GNA12: variants seen among roughly 807,000 people sequenced by gnomAD.
GNA12 encodes the protein guanine nucleotide-binding protein subunit alpha-12.
GNA12 carries 9 observed loss-of-function variants against 26.0 expected under a neutral mutation model. The observed-to-expected ratio is 0.35, with a 90% CI of 0.21 to 0.60. The LOEUF is 0.60. Ranked by LOEUF, GNA12 falls within the 20% of genes least tolerant of loss-of-function variation. The pLI is 0.78. For missense variants in GNA12, 405 were observed against 525.8 expected, an observed-to-expected ratio of 0.77 and a Z score of 2.25; for synonymous variants, 264 against 219.6, an observed-to-expected ratio of 1.20 and a Z score of -1.79.
intron 1 of GNA12, among the ~76,000 whole-genome samples, chr7:2,843,175 C>T (rs1229707536): frequency 6.6e-6 from 1 of 152,132 alleles, no homozygotes; most frequent in Non-Finnish European, 1.5e-5. Flanking sequence ...TTCTTCTAAG[C>T]TCAGCCGGAG....
chr7:2,745,545 G>C (rs1790725058), intron 2 of GNA12, among the ~76,000 whole-genome samples: 1 of 152,128 alleles, frequency 6.6e-6, no homozygotes, highest in Non-Finnish European at 1.5e-5. Context: ...GGAGCAACTG[G>C]TACCAGCCAC....
intron 1 of GNA12, among the ~76,000 whole-genome samples, chr7:2,826,353 G>C (rs1237318561): frequency 6.8e-6 from 1 of 146,776 alleles, no homozygotes; most frequent in African/African-American, 2.5e-5. Flanking sequence ...CTCCAGCCTG[G>C]GTGACAGAGT....
At chr7:2,781,331 TACAC>T (rs148970092) in intron 2 of GNA12, among the ~76,000 whole-genome samples, 4 of 150,262 alleles carry the variant, frequency 2.7e-5, no homozygotes, top group East Asian at 3.9e-4. Context: ...TGTATATACA[TACAC>T]ACACACACAC....
At chr7:2,738,254 A>C (rs547435929) in intron 2 of GNA12, among the ~76,000 whole-genome samples, 1 of 151,878 alleles carries the variant, frequency 6.6e-6, no homozygotes, top group South Asian at 2.1e-4. Context: ...GTCTGTACTA[A>C]AAATACAAAA....
At chr7:2,778,972 T>A (rs1196199926) in intron 2 of GNA12, among the ~76,000 whole-genome samples, 1 of 152,230 alleles carries the variant, frequency 6.6e-6, no homozygotes, top group African/African-American at 2.4e-5. Context: ...ATTTCAACTG[T>A]AAGCCTTCTT....
At chr7:2,803,793 C>T (rs1354132476) in intron 1 of GNA12, among the ~76,000 whole-genome samples, 1 of 122,176 alleles carries the variant, frequency 8.2e-6, no homozygotes, top group Non-Finnish European at 1.8e-5. Context: ...CCTAAAAGTC[C>T]AAAACAAAAC....
chr7:2,770,002 G>C (rs1311288156), intron 2 of GNA12, among the ~76,000 whole-genome samples: 1 of 152,078 alleles, frequency 6.6e-6, no homozygotes, highest in Non-Finnish European at 1.5e-5. Flanking sequence ...AAAATTAAAG[G>C]TTTATAATAG....
chr7:2,791,150 G>A lies in GNA12; in HGVS notation c.525+3778C>T, dbSNP rs2115451436. Among the ~76,000 whole-genome samples the A allele has an allele frequency of 2.6e-5, 4 of 152,298 alleles. 1 individual carries two copies. Among genetic ancestry groups the A allele is most frequent in the Admixed American group, 2.6e-4 (4 of 15,306 alleles). On this transcript the variant is annotated intron_variant, in intron 2 of 3. Transcript: ENST00000275364. The stretch of plus-strand genomic sequence containing the variant: ...TTTTATTAAAAAAGAGGACAGACAA[G>A]AAGATAATATTTATATTAGTTATAC...
rs557332842 is a variant in GNA12, at chr7:2,802,897, T to A, written c.310-7754A>T. 5.9e-5 allele frequency among the ~76,000 whole-genome samples: 9 copies of A among 152,258 alleles called. 1 individual carries two copies. The East Asian group carries it at 1.7e-3, about 29-fold the overall frequency. On this transcript the variant is annotated intron_variant, in intron 1 of 3. Coordinates refer to ENST00000275364, the MANE Select transcript of GNA12 (RefSeq NM_007353.3). ...ACTGACGAAGGGAGGCAGTAAGCCG[T>A]CAAACCAGCCATCAGAGCCTCTGCC...
chr7:2,777,738 T>A (rs763683512), intron 2 of GNA12, among the ~76,000 whole-genome samples: 69 of 152,280 alleles, frequency 4.5e-4, no homozygotes, highest in Non-Finnish European at 7.9e-4. Context: ...GAAAAATATA[T>A]GTCTGTTTTC....
chr7:2,747,445 G>T (rs887719560), intron 2 of GNA12, among the ~76,000 whole-genome samples: 1 of 152,190 alleles, frequency 6.6e-6, no homozygotes, highest in Non-Finnish European at 1.5e-5. Flanking sequence ...AGTAGATGCA[G>T]AAAAGGCCTT....
chr7:2,817,004 C>T (rs1034323365), intron 1 of GNA12, among the ~76,000 whole-genome samples: 14 of 152,242 alleles, frequency 9.2e-5, no homozygotes, highest in African/African-American at 3.1e-4. Flanking sequence ...AGGAGGTCTA[C>T]ACTCCCCACT....
Position 2,728,127 on chromosome 7 carries a change from C to CT in GNA12, c.*3053dup. ...CTATTTTATATTAAGCAAAGAAAGA[C>CT]TAAATTTATTTTAATAAACATTCAG... On this transcript the variant is annotated 3_prime_UTR_variant, in exon 4 of 4. Coordinates refer to ENST00000275364, the MANE Select transcript of GNA12 (RefSeq NM_007353.3). 6.6e-6 allele frequency: 1 copy of CT among 151,820 alleles called. No homozygotes were observed. Among genetic ancestry groups the CT allele is most frequent in the South Asian group, 2.1e-4 (1 of 4,790 alleles). The allele number at this position is 151,820 out of a possible 1,614,324, so 9.4% of individuals were successfully genotyped here.
intron 2 of GNA12, among the ~76,000 whole-genome samples, chr7:2,761,507 C>CCT (rs1192067452): frequency 6.6e-6 from 1 of 152,210 alleles, no homozygotes; most frequent in Non-Finnish European, 1.5e-5. Flanking sequence ...TGATGCAATT[C>CCT]AGGATGACTA....
intron 1 of GNA12, chr7:2,815,152 A>C: frequency 1.6e-6 from 1 of 621,816 alleles, no homozygotes; most frequent in Non-Finnish European, 2.7e-6. Context: ...GCAATACAAA[A>C]AGCAAGTGGA....
chr7:2,759,189 A>T (rs939631045), intron 2 of GNA12, among the ~76,000 whole-genome samples: 1 of 149,868 alleles, frequency 6.7e-6, no homozygotes, highest in African/African-American at 2.4e-5. Context: ...ATAAATAAAT[A>T]AAATAAAAAT....
chr7:2,770,184 A>G (rs1791913036), intron 2 of GNA12, among the ~76,000 whole-genome samples: 1 of 152,224 alleles, frequency 6.6e-6, no homozygotes. Flanking sequence ...GTTCACTGCC[A>G]TAATATACTA....
chr7:2,791,813 G>A (rs1044930565), intron 2 of GNA12, among the ~76,000 whole-genome samples: 5 of 152,116 alleles, frequency 3.3e-5, no homozygotes, highest in African/African-American at 4.8e-5. Flanking sequence ...TGACAACAAC[G>A]ACTATTAGGG....
intron 1 of GNA12, chr7:2,814,320 C>T (rs912037250): frequency 1.3e-6 from 2 of 1,567,776 alleles, no homozygotes; most frequent in Non-Finnish European, 1.8e-6. Flanking sequence ...ACCCTGGACC[C>T]AGGGTGTGCA....
Sources: gnomAD v4.1 joint callset for allele counts (sites outside exome capture counted in the v4.1 genomes callset) on GRCh38, gnomAD v4.1.1 for gene constraint, MANE v1.5 for transcripts, NCBI Gene and HGNC (gene_info 2026-07-23, HGNC 2026-07-21) for gene names.